KLHL25: variants seen among roughly 807,000 people sequenced by gnomAD.
The protein encoded by KLHL25 is kelch-like protein 25.
A neutral mutation model predicts 30.0 loss-of-function variants in KLHL25; 41 were observed. The ratio of observed to expected loss-of-function variants is 1.37; its 90% CI spans 1.07 to 1.78. KLHL25 has a LOEUF of 1.78. Ranked by LOEUF, KLHL25 falls within the 40% of genes most tolerant of loss-of-function variation. The probability of loss-of-function intolerance (pLI) is 0.00; values close to 1 mark genes in which losing one functional copy is unlikely to be tolerated. For synonymous variants in KLHL25, 399 were observed against 355.3 expected (o/e 1.12, Z -1.38); for missense variants, 971 against 824.5 (o/e 1.18, Z -2.18).
chr15:85,777,272 A>G (rs895880891), intron 1 of KLHL25, among the ~76,000 whole-genome samples: 2 of 152,246 alleles, frequency 1.3e-5, no homozygotes, highest in Non-Finnish European at 2.9e-5. Flanking sequence ...CCAATAGCAC[A>G]GAACCACAGC....
At chr15:85,794,462 C>T (rs2089838665) in intron 1 of KLHL25, among the ~76,000 whole-genome samples, 1 of 152,252 alleles carries the variant, frequency 6.6e-6, no homozygotes, top group African/African-American at 2.4e-5. Flanking sequence ...GAATCAACCA[C>T]TCCCTGGGGA....
intron 1 of KLHL25, among the ~76,000 whole-genome samples, chr15:85,794,449 A>G (rs1285459375): frequency 6.6e-6 from 1 of 152,254 alleles, no homozygotes. Flanking sequence ...CTGCGGACTC[A>G]ATGAATCAAC....
At chr15:85,790,337 C>G (rs770674710) in intron 1 of KLHL25, among the ~76,000 whole-genome samples, 7 of 152,208 alleles carry the variant, frequency 4.6e-5, no homozygotes, top group Middle Eastern at 3.2e-3. Context: ...ATCCGCCCAC[C>G]TCGGCCTCCC....
At chr15:85,772,626 G>A (rs2089684219) in intron 1 of KLHL25, among the ~76,000 whole-genome samples, 1 of 152,192 alleles carries the variant, frequency 6.6e-6, no homozygotes, top group Non-Finnish European at 1.5e-5. Context: ...GAGTACCCAG[G>A]CAGAGACTCC....
At position 85,772,802 on chromosome 15, in the gene KLHL25, G is replaced by C. The variant is rs1252832047; in HGVS notation, c.-10-2982C>G. Among the ~76,000 whole-genome samples the C allele has an allele frequency of 3.9e-5, 6 of 152,106 alleles. No individual in the cohort carries two copies. The East Asian group carries it at 9.6e-4, about 24-fold the overall frequency. ...GCAACCCAGGGTCCCAGAGCTGACA[G>C]ATACCCTGCCAAAGTCGGCACCAAG... On this transcript the variant is annotated intron_variant, in intron 1 of 2. Coordinates refer to ENST00000337975, the MANE Select transcript of KLHL25 (RefSeq NM_022480.4).
rs1240835308 is a variant in KLHL25 at position 85,768,895 on chromosome 15, T to G, written c.916A>C (p.Met306Leu). ...TLLILGGQTF[M>L]CDKIYQVDHK... Reference sequence around the variant, plus strand: ...TCCACCTGGTAGATCTTGTCACACATGAAGGTCTGGCCCCCCAGGATGAGT... The same window carrying G: ...TCCACCTGGTAGATCTTGTCACACAGGAAGGTCTGGCCCCCCAGGATGAGT... Residue 306 changes from methionine (M) to leucine (L), a missense_variant, in exon 2 of 3, where the codon ATG (methionine) becomes CTG (leucine). By Grantham distance (15) the Met-to-Leu change is conservative. Transcript: ENST00000337975. 6.2e-7 allele frequency: 1 copy of G among 1,613,244 alleles called. No individual in the cohort carries two copies. Among genetic ancestry groups the G allele is most frequent in the African/African-American group, 1.3e-5 (1 of 74,952 alleles).
In KLHL25 at chr15:85,768,846, G is replaced by A. The variant is rs1281975646; in HGVS notation, c.965C>T (p.Pro322Leu). 1 of 1,613,376 alleles carries A rather than the reference G, an allele frequency of 6.2e-7. No homozygotes were observed. The highest frequency in any genetic ancestry group is 1.1e-5 in the South Asian group (1 of 91,088). Reference protein sequence around the residue: ...QVDHKAKEIIPKADLPSPRKE... With the variant: ...QVDHKAKEIILKADLPSPRKE... ...CCGGGGGCTGGGCAGGTCGGCCTTG[G>A]GGATGATCTCCTTGGCCTTGTGGTC... The change falls in exon 2 of 3, where the codon CCC becomes CTC. Residue 322 changes from proline to leucine, a missense_variant. Coordinates refer to ENST00000337975, the MANE Select transcript of KLHL25 (RefSeq NM_022480.4).
At chr15:85,773,440 G>C (rs2089689926) in intron 1 of KLHL25, among the ~76,000 whole-genome samples, 1 of 152,210 alleles carries the variant, frequency 6.6e-6, no homozygotes, top group Non-Finnish European at 1.5e-5. Flanking sequence ...ACTCACACCA[G>C]CACAATGCCG....
rs1313652693 is a variant in KLHL25, at chr15:85,768,608, C to A, written c.1203G>T (p.Gly401=). The A allele has an allele frequency of 6.2e-7, 1 of 1,611,746 alleles. No homozygotes were observed. Among genetic ancestry groups the A allele is most frequent in the South Asian group, 1.1e-5 (1 of 90,960 alleles). The change falls in exon 2 of 3, where the codon GGG becomes GGT. Residue 401 remains glycine (G), a synonymous_variant. Coordinates refer to ENST00000337975, the MANE Select transcript of KLHL25 (RefSeq NM_022480.4). ...AGACAGAAGGCGAGGCCGGGAAGAC[C>A]CCTGCCAGGGATGTGTGTCCCCCCA... The part of the protein sequence containing the change: ...YVVGGHTSLA[G]VFPASPSVSL...
Position 85,769,291 on chromosome 15 carries a change from C to G in KLHL25, c.520G>C (p.Val174Leu). ...CTCTGCCTCACCGTCTCAAAGTGCA[C>G]CAGGCACATGCGCCAGGAGAACTCA... The part of the protein sequence containing the change: ...LYEFSWRMCL[V>L]HFETVRQSED... The change falls in exon 2 of 3, where the codon GTG (valine) becomes CTG (leucine). Residue 174 changes from valine to leucine, a missense_variant. Val to Leu is a conservative substitution (Grantham distance 32, BLOSUM62 1). Transcript: ENST00000337975. 1 of 1,613,970 alleles carries G rather than the reference C, an allele frequency of 6.2e-7. No individual in the cohort carries two copies. The highest frequency in any genetic ancestry group is 8.5e-7 in the Non-Finnish European group (1 of 1,179,978).
At chr15:85,766,429 A>C (rs955984185) in intron 2 of KLHL25, among the ~76,000 whole-genome samples, 1 of 152,194 alleles carries the variant, frequency 6.6e-6, no homozygotes, top group Non-Finnish European at 1.5e-5. Context: ...TTGGGCACAA[A>C]GCCCTTCTCT....
intron 1 of KLHL25, among the ~76,000 whole-genome samples, chr15:85,780,130 C>T (rs561483922): frequency 1.3e-5 from 2 of 152,316 alleles, no homozygotes; most frequent in East Asian, 3.9e-4. Context: ...CATGCCAACC[C>T]CCTCAGGTTG....
At chr15:85,780,344 C>A (rs2151811207) in intron 1 of KLHL25, among the ~76,000 whole-genome samples, 1 of 152,338 alleles carries the variant, frequency 6.6e-6, no homozygotes, top group South Asian at 2.1e-4. Flanking sequence ...GAGACAGAAA[C>A]AAAGAGGGGC....
chr15:85,790,507 G>T (rs916541546), intron 1 of KLHL25, among the ~76,000 whole-genome samples: 1 of 152,186 alleles, frequency 6.6e-6, no homozygotes, highest in East Asian at 1.9e-4. Flanking sequence ...GAGCTTGCAA[G>T]AACTTTTGAA....
chr15:85,769,293 A>G lies in KLHL25; in HGVS notation c.518T>C (p.Leu173Pro). Reference protein sequence around the residue: ...RLYEFSWRMCLVHFETVRQSE... With the variant: ...RLYEFSWRMCPVHFETVRQSE... ...CTGCCTCACCGTCTCAAAGTGCACC[A>G]GGCACATGCGCCAGGAGAACTCATA... Residue 173 changes from leucine to proline, a missense_variant, in exon 2 of 3, where the codon CTG (leucine) becomes CCG (proline). Transcript: ENST00000337975. 1 of 1,613,972 alleles carries G rather than the reference A, an allele frequency of 6.2e-7. No individual in the cohort carries two copies. The highest frequency in any genetic ancestry group is 8.5e-7 in the Non-Finnish European group (1 of 1,179,958).
intron 1 of KLHL25, among the ~76,000 whole-genome samples, chr15:85,784,773 C>T (rs2089769211): frequency 6.6e-6 from 1 of 152,148 alleles, no homozygotes. Flanking sequence ...TCACCAGAGC[C>T]TCAAGAGCCC....
At chr15:85,765,331 T>A (rs1415645855) in intron 2 of KLHL25, among the ~76,000 whole-genome samples, 1 of 150,380 alleles carries the variant, frequency 6.6e-6, no homozygotes, top group Non-Finnish European at 1.5e-5. Flanking sequence ...GACAGCAGAT[T>A]AAAAAAAAAG....
rs1157480120 is a variant in KLHL25 at position 85,789,428 on chromosome 15, T to C, written c.-11+5338A>G. On this transcript the variant is annotated intron_variant, in intron 1 of 2. Coordinates refer to ENST00000337975, the MANE Select transcript of KLHL25 (RefSeq NM_022480.4). The surrounding 1 kb of genome is among the most constrained non-coding windows in gnomAD (Gnocchi z 4.1). Reference sequence around the variant, plus strand: ...CAGAATTTTACTCTGTTGCCCAGGCTGCAGTGCCATGGCGCGATCTCGGCT... The same window carrying C: ...CAGAATTTTACTCTGTTGCCCAGGCCGCAGTGCCATGGCGCGATCTCGGCT... 6.6e-6 allele frequency among the ~76,000 whole-genome samples: 1 copy of C among 152,046 alleles called. No homozygotes were observed. The highest frequency in any genetic ancestry group is 1.5e-5 in the Non-Finnish European group (1 of 67,986).
chr15:85,788,648 G>A (rs1013239832), intron 1 of KLHL25, among the ~76,000 whole-genome samples: 5 of 152,094 alleles, frequency 3.3e-5, no homozygotes, highest in Admixed American at 6.6e-5. Flanking sequence ...TGCCATACCC[G>A]CCTGTCTGCC....
Sources: allele counts gnomAD v4.1 joint callset (sites outside exome capture counted in the v4.1 genomes callset), GRCh38; gene constraint gnomAD v4.1.1; non-coding constraint Gnocchi (gnomAD v3.1); transcripts MANE v1.5; gene names NCBI Gene and HGNC (gene_info 2026-07-23, HGNC 2026-07-21).